Variants in LEMD1 observed in about 807,000 individuals in gnomAD.
The protein encoded by LEMD1 is LEM domain containing 1, also known as LEM domain-containing protein 1.
A neutral mutation model predicts 17.4 loss-of-function variants in LEMD1; 18 were observed. The ratio of observed to expected loss-of-function variants is 1.04; its 90% CI spans 0.72 to 1.54. LEMD1 has a LOEUF of 1.54. Among genes scored for constraint, LEMD1 ranks in the 40% most tolerant of loss-of-function variants. LEMD1 has a pLI of 0.00. For missense variants in LEMD1, 195 were observed against 210.4 expected (o/e 0.93, Z 0.45); for synonymous variants, 88 against 77.8 (o/e 1.13, Z -0.69).
chr1:205,431,042 G>A (rs1666119238), intron 1 of LEMD1, among the ~76,000 whole-genome samples: 1 of 152,126 alleles, frequency 6.6e-6, no homozygotes, highest in Admixed American at 6.5e-5. Context: ...ACTTGTCCTA[G>A]AGAGCCCAGC....
At chr1:205,427,591 T>C (rs530642173) in intron 1 of LEMD1, among the ~76,000 whole-genome samples, 1 of 151,890 alleles carries the variant, frequency 6.6e-6, no homozygotes, top group South Asian at 2.1e-4. Context: ...TGTCATGAAA[T>C]AGGAGACCAC....
At chr1:205,416,354 G>A in intron 3 of LEMD1, 58 bp from the exon 4 acceptor site, 1 of 1,223,076 alleles carries the variant, frequency 8.2e-7, no homozygotes, top group South Asian at 1.4e-5. Flanking sequence ...CTAGCAAAGG[G>A]AATAAACATC....
Position 205,406,687 on chromosome 1 carries a change from G to A in LEMD1, c.270+9545C>T, listed in dbSNP as rs575713930. 8.7e-4 allele frequency among the ~76,000 whole-genome samples: 132 copies of A among 152,290 alleles called. 1 individual carries two copies. Among genetic ancestry groups the A allele is most frequent in the African/African-American group, 2.9e-3 (122 of 41,570 alleles). On this transcript the variant is annotated intron_variant, in intron 4 of 5. Coordinates refer to ENST00000367153, the MANE Select transcript of LEMD1 (RefSeq NM_001199050.2). ...GTGAGGCAATGCCTCACCCTGCTTTGGCTCGCACATGGTGCGCTGCACCCA... is the reference window on the plus strand; with the variant it reads ...GTGAGGCAATGCCTCACCCTGCTTTAGCTCGCACATGGTGCGCTGCACCCA...
chr1:205,447,053 C>A (rs773085766), intron 1 of LEMD1, among the ~76,000 whole-genome samples: 3 of 152,242 alleles, frequency 2.0e-5, no homozygotes, highest in Non-Finnish European at 2.9e-5. Context: ...AACAACCTCC[C>A]GTCTGGGTAC....
At chr1:205,416,369 A>G in intron 3 of LEMD1, 73 bp from the exon 4 acceptor site, 2 of 1,107,524 alleles carry the variant, frequency 1.8e-6, no homozygotes, top group Admixed American at 4.6e-5. Flanking sequence ...AACATCAATC[A>G]CCAGGGTGAA....
upstream of LEMD1, among the ~76,000 whole-genome samples, chr1:205,425,384 G>A (rs572018530): frequency 2.9e-4 from 44 of 152,250 alleles, no homozygotes; most frequent in Non-Finnish European, 4.6e-4. Context: ...GGGGAGGTGC[G>A]GAGGGGGAGG....
intron 1 of LEMD1, among the ~76,000 whole-genome samples, chr1:205,446,832 A>G (rs1316583195): frequency 2.6e-5 from 4 of 152,168 alleles, no homozygotes; most frequent in Admixed American, 6.5e-5. Context: ...TCCTTTCACC[A>G]TCTAAGCTGG....
chr1:205,409,306 C>T (rs1488312901), intron 4 of LEMD1, among the ~76,000 whole-genome samples: 1 of 152,154 alleles, frequency 6.6e-6, no homozygotes, highest in Non-Finnish European at 1.5e-5. Flanking sequence ...ATTCATTTTC[C>T]ATTATGTTAT....
At chr1:205,410,734 C>T (rs1665350335) in intron 4 of LEMD1, among the ~76,000 whole-genome samples, 1 of 152,000 alleles carries the variant, frequency 6.6e-6, no homozygotes, top group Non-Finnish European at 1.5e-5. Context: ...GGCATGGTGC[C>T]CCGTGCCTGT....
intron 1 of LEMD1, among the ~76,000 whole-genome samples, chr1:205,432,653 G>A (rs545168998): frequency 5.8e-4 from 89 of 152,334 alleles, no homozygotes; most frequent in African/African-American, 1.8e-3. Flanking sequence ...CTGTCCGTGC[G>A]TACATACAGC....
chr1:205,436,589 G>C (rs1276456593), intron 1 of LEMD1: 1 of 152,050 alleles, frequency 6.6e-6, no homozygotes, highest in Non-Finnish European at 1.5e-5. Context: ...GGCTGTGTTT[G>C]TGTTGGGAGC....
At chr1:205,391,375 A>G (rs546982779) in intron 4 of LEMD1, among the ~76,000 whole-genome samples, 2 of 151,816 alleles carry the variant, frequency 1.3e-5, no homozygotes, top group African/African-American at 4.8e-5. Context: ...TTTTTTTTTA[A>G]TTTATATGTC....
chr1:205,407,550 AG>A (rs1293536790), intron 4 of LEMD1, among the ~76,000 whole-genome samples: 1 of 152,102 alleles, frequency 6.6e-6, no homozygotes, highest in African/African-American at 2.4e-5. Flanking sequence ...GCCCAGAGAA[AG>A]CATGGAAACT....
At chr1:205,435,470 C>T (rs902290524) in intron 1 of LEMD1, 2 of 152,194 alleles carry the variant, frequency 1.3e-5, no homozygotes, top group Non-Finnish European at 1.5e-5. Flanking sequence ...AGAATATATG[C>T]TATTTTGCTT....
At chr1:205,402,395 G>A (rs1219855102) in intron 4 of LEMD1, among the ~76,000 whole-genome samples, 1 of 152,158 alleles carries the variant, frequency 6.6e-6, no homozygotes, top group Non-Finnish European at 1.5e-5. Flanking sequence ...GTGATTTGTA[G>A]TTCTCCTTGA....
upstream of LEMD1, among the ~76,000 whole-genome samples, chr1:205,424,937 A>G (rs763858779): frequency 2.0e-5 from 3 of 152,236 alleles, no homozygotes; most frequent in Non-Finnish European, 4.4e-5. Context: ...AGGTTATTAC[A>G]ACACTCTAGA....
intron 1 of LEMD1, among the ~76,000 whole-genome samples, chr1:205,447,731 C>T (rs1666425060): frequency 7.0e-6 from 1 of 142,216 alleles, no homozygotes; most frequent in African/African-American, 2.6e-5. Context: ...AGCCAGGGAC[C>T]CTGGAGTCCA....
upstream of LEMD1, among the ~76,000 whole-genome samples, chr1:205,423,979 T>C (rs1172297498): frequency 6.6e-6 from 1 of 152,160 alleles, no homozygotes; most frequent in Non-Finnish European, 1.5e-5. Context: ...ACGGAAATAG[T>C]AAAAGCCAGA....
chr1:205,393,501 C>T (rs943586968), intron 4 of LEMD1, among the ~76,000 whole-genome samples: 2 of 151,828 alleles, frequency 1.3e-5, no homozygotes, highest in Non-Finnish European at 2.9e-5. Context: ...CATGGTGAAA[C>T]ACCATCTGTA....
Sources: allele counts gnomAD v4.1 joint callset (sites outside exome capture counted in the v4.1 genomes callset), GRCh38; gene constraint gnomAD v4.1.1; transcripts MANE v1.5; gene names NCBI Gene and HGNC (gene_info 2026-07-23, HGNC 2026-07-21).